Variants in HS6ST2 observed in about 807,000 individuals in gnomAD.
HS6ST2 encodes heparan sulfate 6-O-sulfotransferase 2.
A neutral mutation model predicts 33.0 loss-of-function variants in HS6ST2; 17 were observed. The ratio of observed to expected loss-of-function variants is 0.52; its 90% CI spans 0.35 to 0.77. The LOEUF (loss-of-function observed/expected upper bound fraction) is 0.77. Among genes scored for constraint, HS6ST2 ranks in the 30% least tolerant of loss-of-function variants. The probability of loss-of-function intolerance (pLI) is 0.01; values close to 1 mark genes in which losing one functional copy is unlikely to be tolerated. For synonymous variants in HS6ST2, 248 were observed against 237.1 expected (o/e 1.05, Z -0.42); for missense variants, 519 against 551.7 (o/e 0.94, Z 0.59).
In HS6ST2 at chrX:132,761,811, T is replaced by C. The variant is rs141867332; in HGVS notation, c.948-53317A>G. Among the ~76,000 whole-genome samples, 836 of 111,788 alleles carry C rather than the reference T, an allele frequency of 7.5e-3. 5 individuals carry two copies. The highest frequency in any genetic ancestry group is 0.026 in the African/African-American group (794 of 30,769). On this transcript the variant is annotated intron_variant, in intron 2 of 4. Transcript: ENST00000370833. ...CCGAGAAATGTGTGCACTGGCCTTA[T>C]GAAATACGGGTCTGAATCTTCTGTA...
At chrX:132,924,124 A>T (rs1226784795) in intron 2 of HS6ST2, among the ~76,000 whole-genome samples, 1 of 112,545 alleles carries the variant, frequency 8.9e-6, no homozygotes, top group Non-Finnish European at 1.9e-5. Context: ...GGTATGGCAC[A>T]TAAGCTAAAT....
chrX:132,898,990 A>G (rs1051688498), intron 2 of HS6ST2, among the ~76,000 whole-genome samples: 6 of 111,163 alleles, frequency 5.4e-5, no homozygotes, highest in Non-Finnish European at 1.1e-4. Context: ...CTACCAGCAG[A>G]ATGGAAAGAC....
intron 2 of HS6ST2, among the ~76,000 whole-genome samples, chrX:132,823,617 A>G (rs2065482298): frequency 9.5e-6 from 1 of 105,510 alleles, no homozygotes; most frequent in Non-Finnish European, 1.9e-5. Flanking sequence ...GCACTTTGGG[A>G]GGCCAAAGCT....
chrX:132,704,509 G>A (rs906443140), intron 3 of HS6ST2, among the ~76,000 whole-genome samples: 1 of 110,745 alleles, frequency 9.0e-6, no homozygotes, highest in Non-Finnish European at 1.9e-5. Flanking sequence ...AACTGAGATC[G>A]CGCCATTGAA....
chrX:132,958,366 C>T lies in HS6ST2; in HGVS notation c.237G>A (p.Ala79=), dbSNP rs1384043599. Residue 79 remains alanine, a synonymous_variant, in exon 1 of 5, where the codon GCG becomes GCA. Transcript: ENST00000370833. The part of the protein sequence containing the change: ...DKPRKASSSL[A]GAACAPLFAL... ...CGAAAAGCGGGGCGCACGCGGCTCC[C>T]GCCAGGGAAGAAGACGCCTTTCGGG... 8.3e-7 allele frequency: 1 copy of T among 1,199,071 alleles called. No homozygotes were observed. Among genetic ancestry groups the T allele is most frequent in the Non-Finnish European group, 1.1e-6 (1 of 893,374 alleles).
intron 2 of HS6ST2, among the ~76,000 whole-genome samples, chrX:132,789,146 A>G (rs193252354): frequency 8.9e-6 from 1 of 112,130 alleles, no homozygotes; most frequent in Admixed American, 9.4e-5. Context: ...TTTCATAGCT[A>G]GAGAGAAATC....
intron 2 of HS6ST2, among the ~76,000 whole-genome samples, chrX:132,922,520 C>T (rs901268033): frequency 9.0e-6 from 1 of 111,703 alleles, no homozygotes; most frequent in Non-Finnish European, 1.9e-5. Flanking sequence ...CTCCTTTTGG[C>T]AGAGTGTCAA....
intron 2 of HS6ST2, among the ~76,000 whole-genome samples, chrX:132,939,395 C>T (rs1266446218): frequency 4.5e-5 from 5 of 110,567 alleles, no homozygotes; most frequent in African/African-American, 9.9e-5. Context: ...GAGGCCAAGG[C>T]GGGCAGATGA....
chrX:132,903,084 C>T (rs1954084160), intron 2 of HS6ST2, among the ~76,000 whole-genome samples: 1 of 111,587 alleles, frequency 9.0e-6, no homozygotes, highest in South Asian at 3.7e-4. Flanking sequence ...AACTAATAAA[C>T]AATTTTAATA....
chrX:132,776,016 T>C (rs1490345938), intron 2 of HS6ST2, among the ~76,000 whole-genome samples: 1 of 111,808 alleles, frequency 8.9e-6, no homozygotes, highest in Non-Finnish European at 1.9e-5. Flanking sequence ...ACATTCTACA[T>C]GCCATGTAGT....
chrX:132,797,040 G>A (rs1476825443), intron 2 of HS6ST2, among the ~76,000 whole-genome samples: 1 of 111,466 alleles, frequency 9.0e-6, no homozygotes, highest in Non-Finnish European at 1.9e-5. Context: ...AGTAGTCCCC[G>A]ATTAGCCTGC....
At chrX:132,959,961 C>T (rs1438015243), upstream of HS6ST2, among the ~76,000 whole-genome samples, 1 of 112,173 alleles carries the variant, frequency 8.9e-6, no homozygotes, top group Non-Finnish European at 1.9e-5. Context: ...CCTGGCTAGA[C>T]TTCTACGTGC....
intron 4 of HS6ST2, among the ~76,000 whole-genome samples, chrX:132,634,454 G>T (rs974162047): frequency 1.8e-5 from 2 of 111,846 alleles, no homozygotes; most frequent in Non-Finnish European, 3.8e-5. Flanking sequence ...TTTTAAATTG[G>T]AGCCATGACT....
At chrX:132,911,944 C>A (rs1569503322) in intron 2 of HS6ST2, among the ~76,000 whole-genome samples, 2 of 111,495 alleles carry the variant, frequency 1.8e-5, no homozygotes, top group African/African-American at 6.5e-5. Context: ...GCCTCATGAG[C>A]ACACACTCTT....
chrX:132,803,835 G>A (rs1469935035), intron 2 of HS6ST2, among the ~76,000 whole-genome samples: 2 of 111,934 alleles, frequency 1.8e-5, no homozygotes, highest in Admixed American at 1.9e-4. Flanking sequence ...CTACCTCAGA[G>A]AATTATGAGT....
At chrX:132,648,165 T>C (rs1350508010) in intron 4 of HS6ST2, among the ~76,000 whole-genome samples, 1 of 112,297 alleles carries the variant, frequency 8.9e-6, no homozygotes, top group African/African-American at 3.2e-5. Context: ...GCTTGATTCA[T>C]GAGTCAGACT....
At chrX:132,867,118 GTC>G (rs776040970) in intron 2 of HS6ST2, among the ~76,000 whole-genome samples, 16 of 100,512 alleles carry the variant, frequency 1.6e-4, no homozygotes, top group Non-Finnish European at 3.2e-4. Context: ...CTGTGGGTTT[GTC>G]ATAGATAGCT....
intron 2 of HS6ST2, among the ~76,000 whole-genome samples, chrX:132,746,863 G>C (rs2064650002): frequency 8.9e-6 from 1 of 111,829 alleles, no homozygotes; most frequent in Non-Finnish European, 1.9e-5. Flanking sequence ...AGAGTCCCAT[G>C]AAGTATCCTG....
intron 2 of HS6ST2, among the ~76,000 whole-genome samples, chrX:132,947,558 GT>G (rs2066970225): frequency 9.0e-6 from 1 of 111,601 alleles, no homozygotes; most frequent in Non-Finnish European, 1.9e-5. Context: ...CTTAAAGTCT[GT>G]TTTGTCTGAT....
Sources: allele counts gnomAD v4.1 joint callset (sites outside exome capture counted in the v4.1 genomes callset), GRCh38; gene constraint gnomAD v4.1.1; transcripts MANE v1.5; gene names NCBI Gene and HGNC (gene_info 2026-07-23, HGNC 2026-07-21).